MYO7A: variants seen among roughly 807,000 people sequenced by gnomAD.
MYO7A encodes myosin VIIA, also known as unconventional myosin-VIIa.
Under a neutral mutation model 263.8 loss-of-function variants are expected in MYO7A, and 210 were observed. The ratio of observed to expected loss-of-function variants is 0.80; its 90% CI spans 0.71 to 0.89. The LOEUF (loss-of-function observed/expected upper bound fraction) is 0.89. MYO7A is among the 40% of genes least tolerant of loss of function. The probability of loss-of-function intolerance (pLI) is 0.00; values close to 1 mark genes in which losing one functional copy is unlikely to be tolerated. For missense variants in MYO7A, 2,820 were observed against 2,968.3 expected, an observed-to-expected ratio of 0.95 and a Z score of 1.16; for synonymous variants, 1,239 against 1,197.3, an observed-to-expected ratio of 1.03 and a Z score of -0.72.
In MYO7A at chr11:77,162,966, C is replaced by A; in HGVS notation, c.1668C>A (p.Gly556=). The change falls in exon 14 of 49, where the codon GGC becomes GGA. Residue 556 remains glycine (G), a synonymous_variant. Transcript: ENST00000409709. ...ETQFGINHFA[G]IVYYETQGFL... ...AGTTTGGCATCAACCATTTTGCAGG[C>A]ATCGTCTACTATGAGACCCAAGGTA... The A allele has an allele frequency of 2.5e-6, 4 of 1,613,910 alleles. No individual in the cohort carries two copies. The highest frequency in any genetic ancestry group is 3.4e-6 in the Non-Finnish European group (4 of 1,179,872).
intron 48 of MYO7A, 123 bp from the exon 49 acceptor site, chr11:77,214,484 G>A: frequency 1.4e-6 from 1 of 732,752 alleles, no homozygotes; most frequent in Non-Finnish European, 2.4e-6. Flanking sequence ...TAAGCCCTGA[G>A]TAGGAGGGAT....
At chr11:77,169,265 TC>T (rs1405249363) in intron 15 of MYO7A, among the ~76,000 whole-genome samples, 2 of 152,222 alleles carry the variant, frequency 1.3e-5, no homozygotes, top group Non-Finnish European at 2.9e-5. Context: ...TACATCTGCC[TC>T]CCTGGGGCAG....
chr11:77,195,811 T>C (rs1956614441), intron 32 of MYO7A, among the ~76,000 whole-genome samples: 1 of 152,232 alleles, frequency 6.6e-6, no homozygotes, highest in African/African-American at 2.4e-5. Flanking sequence ...CATAACAAAG[T>C]GCCACAGACT....
Position 77,198,529 on chromosome 11 carries a change from C to T in MYO7A, c.4476C>T (p.Ala1492=), listed in dbSNP as rs777008254. The T allele has an allele frequency of 1.6e-5, 26 of 1,613,782 alleles. No individual in the cohort carries two copies. Among genetic ancestry groups the T allele is most frequent in the African/African-American group, 5.3e-5 (4 of 74,944 alleles). The change falls in exon 34 of 49, where the codon GCC becomes GCT. Residue 1492 remains alanine, a synonymous_variant. Coordinates refer to ENST00000409709, the MANE Select transcript of MYO7A (RefSeq NM_000260.4). ...PSLPKNDVIV[A]VNWTGVYFVD... ...TCCCCAAGAACGACGTCATCGTGGCCGTCAACTGGACGGGTGTGTACTTTG... is the reference window on the plus strand; with the variant it reads ...TCCCCAAGAACGACGTCATCGTGGCTGTCAACTGGACGGGTGTGTACTTTG...
At chr11:77,157,226 G>A in intron 7 of MYO7A, 53 bp from the exon 8 acceptor site, 2 of 1,451,428 alleles carry the variant, frequency 1.4e-6, no homozygotes, top group Non-Finnish European at 1.9e-6. Flanking sequence ...AGTTCCTGAT[G>A]GCCTCCTCTG....
rs768182589 is a variant in MYO7A at position 77,208,515 on chromosome 11, A to G, written c.5942A>G (p.Asp1981Gly). 16 of 1,612,422 alleles carry G rather than the reference A, an allele frequency of 9.9e-6. No homozygotes were observed. Among genetic ancestry groups the G allele is most frequent in the Non-Finnish European group, 1.3e-5 (15 of 1,179,218 alleles). ...DWIKKARPIK[D>G]GIVPSLTYQV... The stretch of plus-strand genomic sequence containing the variant: ...ATAAAGAAAGCTCGGCCCATCAAGG[A>G]CGGTAATGAGGCCGGGTCCTGGGAT... Residue 1981 changes from aspartate (D) to glycine (G), a missense_variant and splice_region_variant, in exon 43 of 49, where the codon GAC (aspartate) becomes GGC (glycine). Asp to Gly is a moderately conservative substitution (Grantham distance 94). Coordinates refer to ENST00000409709, the MANE Select transcript of MYO7A (RefSeq NM_000260.4).
intron 42 of MYO7A, among the ~76,000 whole-genome samples, chr11:77,208,001 C>G (rs1437516669): frequency 6.6e-6 from 1 of 152,208 alleles, no homozygotes; most frequent in African/African-American, 2.4e-5. Flanking sequence ...GCTGATGGCT[C>G]TGTGTGCCTC....
At chr11:77,165,489 A>G (rs1555071903) in intron 14 of MYO7A, among the ~76,000 whole-genome samples, 1 of 151,902 alleles carries the variant, frequency 6.6e-6, no homozygotes, top group Non-Finnish European at 1.5e-5. Flanking sequence ...TCAAGTCTTA[A>G]CTCTGCCCAT....
intron 2 of MYO7A, among the ~76,000 whole-genome samples, chr11:77,132,209 G>A (rs1950785184): frequency 6.6e-6 from 1 of 151,898 alleles, no homozygotes; most frequent in African/African-American, 2.4e-5. Context: ...TCCTTCGGGA[G>A]GCTTCCCTGC....
intron 44 of MYO7A, 49 bp downstream of exon 44, chr11:77,208,852 G>A (rs2135763275): frequency 7.0e-7 from 1 of 1,422,972 alleles, no homozygotes; most frequent in Non-Finnish European, 9.7e-7. Flanking sequence ...TAGCGTTGCT[G>A]TACTTTGGCC....
At chr11:77,155,579 C>T (rs1169019376) in intron 4 of MYO7A, among the ~76,000 whole-genome samples, 5 of 152,230 alleles carry the variant, frequency 3.3e-5, no homozygotes, top group Non-Finnish European at 5.9e-5. Context: ...GTGTGTGCCA[C>T]GAATTTTAAA....
intron 15 of MYO7A, among the ~76,000 whole-genome samples, chr11:77,168,443 T>C (rs894262889): frequency 6.6e-6 from 1 of 152,164 alleles, no homozygotes; most frequent in Non-Finnish European, 1.5e-5. Flanking sequence ...TATCACCTCA[T>C]TCACTCCCCA....
In MYO7A at chr11:77,162,402, CT is replaced by C. The variant is rs546175953; in HGVS notation, c.1554+75del. On this transcript the variant is annotated intron_variant, in intron 13 of 48. Transcript: ENST00000409709. Reference sequence around the variant, plus strand: ...CTTCCTTCCCTGCTTTGAGCCCCGGCTTTCCTCATCTGCAAAATAGGACTAA... The same window carrying C: ...CTTCCTTCCCTGCTTTGAGCCCCGGCTTCCTCATCTGCAAAATAGGACTAA... 433 of 1,408,024 alleles carry C rather than the reference CT, an allele frequency of 3.1e-4. No individual in the cohort carries two copies. In the African/African-American group the frequency reaches 5.1e-3, roughly 17 times the overall value. 87.2% of individuals were successfully genotyped at this position (1,408,024 alleles called of 1,614,324 possible). A position where few individuals can be genotyped will look rare whatever the true frequency, so the allele number is the denominator to read the frequency against.
At position 77,213,944 on chromosome 11, in the gene MYO7A, G is replaced by A. The variant is rs768730276; in HGVS notation, c.6523G>A (p.Val2175Met). The part of the protein sequence containing the change: ...TYFHITIGNL[V>M]RGSKLLCETS... ...CTTCCACATCACCATTGGGAACTTGGTGCGCGGGAGCAAACTGCTCTGCGA... is the reference window on the plus strand; with the variant it reads ...CTTCCACATCACCATTGGGAACTTGATGCGCGGGAGCAAACTGCTCTGCGA... Residue 2175 changes from valine (V) to methionine (M), a missense_variant, in exon 48 of 49, where the codon GTG (valine) becomes ATG (methionine). Coordinates refer to ENST00000409709, the MANE Select transcript of MYO7A (RefSeq NM_000260.4). 1 of 1,614,066 alleles carries A rather than the reference G, an allele frequency of 6.2e-7. No individual in the cohort carries two copies. Among genetic ancestry groups the A allele is most frequent in the Non-Finnish European group, 8.5e-7 (1 of 1,179,908 alleles).
At chr11:77,156,830 G>A (rs781888110) in intron 6 of MYO7A, 32 bp from the exon 7 acceptor site, 2 of 1,613,932 alleles carry the variant, frequency 1.2e-6, no homozygotes, top group Non-Finnish European at 1.7e-6. Context: ...GCGGGAGCGG[G>A]CTTTGCCAGT....
chr11:77,198,452 G>A, intron 33 of MYO7A, 43 bp from the exon 34 acceptor site: 4 of 1,606,746 alleles, frequency 2.5e-6, no homozygotes, highest in South Asian at 1.1e-5. Context: ...GGCTGGGCCT[G>A]GGTGTGGGAG....
intron 27 of MYO7A, among the ~76,000 whole-genome samples, chr11:77,187,586 C>T (rs1401745957): frequency 6.6e-6 from 1 of 152,192 alleles, no homozygotes; most frequent in African/African-American, 2.4e-5. Context: ...CCTGCAAGTA[C>T]CTCCTTCCCC....
chr11:77,161,640 A>G (rs1420380131), intron 12 of MYO7A, among the ~76,000 whole-genome samples: 2 of 152,134 alleles, frequency 1.3e-5, no homozygotes, highest in African/African-American at 4.8e-5. Flanking sequence ...CAAAACACCC[A>G]CACTCAACAT....
In MYO7A at chr11:77,213,885, C is replaced by T. The variant is rs1408119204; in HGVS notation, c.6464C>T (p.Thr2155Ile). ...GATATCCTCACCACTCATCCCTTCA[C>T]CAAGATCTCCAACTGGAGCAGCGGC... is the stretch of plus-strand genomic sequence containing the variant. ...TKDILTTHPFTKISNWSSGNT... is the reference protein window; with the variant it reads ...TKDILTTHPFIKISNWSSGNT... Residue 2155 changes from threonine to isoleucine, a missense_variant, in exon 48 of 49, where the codon ACC (threonine) becomes ATC (isoleucine). Physicochemically the swap from Thr to Ile is moderately conservative, Grantham distance 89. Coordinates refer to ENST00000409709, the MANE Select transcript of MYO7A (RefSeq NM_000260.4). The T allele has an allele frequency of 1.2e-6, 2 of 1,614,072 alleles. No homozygotes were observed. The highest frequency in any genetic ancestry group is 1.7e-5 in the Admixed American group (1 of 60,034).
Sources: allele counts gnomAD v4.1 joint callset (sites outside exome capture counted in the v4.1 genomes callset), GRCh38; gene constraint gnomAD v4.1.1; transcripts MANE v1.5; gene names NCBI Gene and HGNC (gene_info 2026-07-23, HGNC 2026-07-21).